GAS2: variants seen among roughly 807,000 people sequenced by gnomAD.
GAS2 encodes the protein growth arrest specific 2, also known as growth arrest-specific protein 2.
A neutral mutation model predicts 37.5 loss-of-function variants in GAS2; 20 were observed. That is an observed-to-expected ratio of 0.53 (90% CI 0.37 to 0.77). The LOEUF (loss-of-function observed/expected upper bound fraction) is 0.77. Among genes scored for constraint, GAS2 ranks in the 30% least tolerant of loss-of-function variants. The pLI, the probability that GAS2 is intolerant of heterozygous loss-of-function variation, is 0.00. For synonymous variants in GAS2, 144 were observed against 132.2 expected (o/e 1.09, Z -0.61); for missense variants, 336 against 373.4 (o/e 0.90, Z 0.82).
chr11:22,652,896 C>T (rs373146177), intron 1 of GAS2, among the ~76,000 whole-genome samples: 2 of 152,312 alleles, frequency 1.3e-5, no homozygotes, highest in South Asian at 2.1e-4. Flanking sequence ...GTCGCTCACG[C>T]TGGGAGCTGT....
At chr11:22,687,072 C>G (rs1175194057) in intron 3 of GAS2, among the ~76,000 whole-genome samples, 1 of 151,988 alleles carries the variant, frequency 6.6e-6, no homozygotes, top group South Asian at 2.1e-4. Flanking sequence ...TGACTGTAAT[C>G]TCAGCACTTT....
intron 5 of GAS2, among the ~76,000 whole-genome samples, chr11:22,741,097 T>C (rs751084215): frequency 5.3e-5 from 8 of 152,216 alleles, no homozygotes; most frequent in Non-Finnish European, 1.0e-4. Flanking sequence ...TTCTCTGCCA[T>C]GTTTTCCTCT....
At chr11:22,773,208 C>T (rs976836246) in intron 7 of GAS2, among the ~76,000 whole-genome samples, 7 of 152,100 alleles carry the variant, frequency 4.6e-5, no homozygotes, top group African/African-American at 1.7e-4. Flanking sequence ...CCCAGAGTAA[C>T]TTCAGTCCTC....
intron 3 of GAS2, among the ~76,000 whole-genome samples, chr11:22,690,085 A>AT (rs1220907706): frequency 6.6e-6 from 1 of 152,078 alleles, no homozygotes; most frequent in Non-Finnish European, 1.5e-5. Flanking sequence ...TCATAGCAAT[A>AT]TTTTTTACTA....
intron 3 of GAS2, among the ~76,000 whole-genome samples, chr11:22,718,164 C>CA (rs1389633577): frequency 7.2e-5 from 11 of 152,062 alleles, no homozygotes; most frequent in Non-Finnish European, 1.5e-4. Context: ...AAGACACTTA[C>CA]ACACGCATGT....
chr11:22,747,946 G>A (rs115180835), intron 5 of GAS2, among the ~76,000 whole-genome samples: 2,094 of 152,010 alleles, frequency 0.014, 56 homozygotes, highest in African/African-American at 0.048. Flanking sequence ...ATGTGTAATG[G>A]TATCAGTTAA....
intron 3 of GAS2, among the ~76,000 whole-genome samples, chr11:22,708,336 T>G (rs1851228418): frequency 6.6e-6 from 1 of 152,212 alleles, no homozygotes. Context: ...CACCCCGGAC[T>G]AAATTTTATT....
intron 3 of GAS2, among the ~76,000 whole-genome samples, chr11:22,718,902 G>T (rs1267620494): frequency 1.3e-5 from 2 of 152,040 alleles, no homozygotes; most frequent in Middle Eastern, 3.4e-3. Flanking sequence ...TATAAATTAG[G>T]CACACAGTAT....
At chr11:22,681,696 T>TC (rs1849690511) in intron 2 of GAS2, among the ~76,000 whole-genome samples, 2 of 152,232 alleles carry the variant, frequency 1.3e-5, no homozygotes, top group South Asian at 4.1e-4. Context: ...GGTGCACAAT[T>TC]TAAACTAAAG....
intron 7 of GAS2, among the ~76,000 whole-genome samples, chr11:22,774,200 G>A (rs953060113): frequency 1.3e-5 from 2 of 152,070 alleles, no homozygotes; most frequent in Non-Finnish European, 2.9e-5. Flanking sequence ...CACCATGTTG[G>A]TCAGGCTGGT....
chr11:22,663,323 T>C (rs1848936004), upstream of GAS2, among the ~76,000 whole-genome samples: 1 of 151,192 alleles, frequency 6.6e-6, no homozygotes, highest in Admixed American at 6.6e-5. Flanking sequence ...CCACCTACCG[T>C]GACACTGAGA....
At chr11:22,760,624 G>A (rs574003621) in intron 7 of GAS2, among the ~76,000 whole-genome samples, 22 of 152,192 alleles carry the variant, frequency 1.4e-4, no homozygotes, top group Non-Finnish European at 1.9e-4. Flanking sequence ...TGCTTAAGAC[G>A]TCATTGTAAG....
chr11:22,746,284 G>A (rs780283110), intron 5 of GAS2, among the ~76,000 whole-genome samples: 2 of 152,152 alleles, frequency 1.3e-5, no homozygotes, highest in Middle Eastern at 3.2e-3. Context: ...AATTAGTTCA[G>A]CCACTGAGGA....
chr11:22,793,539 A>G (rs1856283766), intron 7 of GAS2, among the ~76,000 whole-genome samples: 1 of 152,194 alleles, frequency 6.6e-6, no homozygotes, highest in Non-Finnish European at 1.5e-5. Context: ...TATTAGATTT[A>G]TAGAGAACAC....
At chr11:22,781,889 T>A (rs1855571779) in intron 7 of GAS2, among the ~76,000 whole-genome samples, 1 of 152,276 alleles carries the variant, frequency 6.6e-6, no homozygotes, top group African/African-American at 2.4e-5. Flanking sequence ...CAATGGAACT[T>A]GAACCTTTAC....
intron 1 of GAS2, among the ~76,000 whole-genome samples, chr11:22,628,262 CT>C (rs1858690796): frequency 1.3e-5 from 2 of 152,060 alleles, no homozygotes; most frequent in African/African-American, 4.8e-5. Flanking sequence ...AAGAATTTTG[CT>C]ATGAGAGACT....
rs1282631276 is a variant in GAS2 at position 22,696,439 on chromosome 11, G to A, written c.267+10650G>A. On this transcript the variant is annotated intron_variant, in intron 3 of 7. Transcript: ENST00000454584. Reference sequence around the variant, plus strand: ...TGTCTTTATAGCAGCATGATTTATAGTCCTTTGGGTATATACCCAGTAATG... The same window carrying A: ...TGTCTTTATAGCAGCATGATTTATAATCCTTTGGGTATATACCCAGTAATG... Among the ~76,000 whole-genome samples the A allele has an allele frequency of 4.9e-4, 74 of 152,004 alleles. No homozygotes were observed. In the East Asian group the frequency reaches 7.4e-3, roughly 15 times the overall value.
chr11:22,716,576 G>A (rs568081620), intron 3 of GAS2, among the ~76,000 whole-genome samples: 7 of 151,460 alleles, frequency 4.6e-5, no homozygotes, highest in African/African-American at 1.5e-4. Context: ...GGAGGAGGAG[G>A]TTGCAGTGAG....
intron 7 of GAS2, among the ~76,000 whole-genome samples, chr11:22,771,089 C>CTT (rs35633661): frequency 6.9e-6 from 1 of 145,450 alleles, no homozygotes; most frequent in African/African-American, 2.5e-5. Flanking sequence ...TAATATTTTA[C>CTT]TTTTTTTTTT....
Sources: allele counts gnomAD v4.1 joint callset (sites outside exome capture counted in the v4.1 genomes callset), GRCh38; gene constraint gnomAD v4.1.1; transcripts MANE v1.5; gene names NCBI Gene and HGNC (gene_info 2026-07-23, HGNC 2026-07-21).